Variants in GPR132 observed in about 807,000 individuals in gnomAD.
GPR132 encodes probable G protein-coupled receptor 132.
Under a neutral mutation model 1.9 loss-of-function variants are expected in GPR132, and 4 were observed. The observed-to-expected ratio is 2.13, with a 90% CI of 1.05 to 4.87. The LOEUF is 4.87. GPR132 is among the 30% of genes most tolerant of loss of function. The pLI is 0.01. For synonymous variants in GPR132, 233 were observed against 234.2 expected (o/e 0.99, Z 0.05); for missense variants, 404 against 512.5 (o/e 0.79, Z 2.04).
In GPR132 at chr14:105,056,822, G is replaced by A. The variant is rs553679419; in HGVS notation, c.-747+345C>T. On this transcript the variant is annotated intron_variant, in intron 2 of 3. Transcript: ENST00000329797. The surrounding 1 kb of genome is among the most constrained non-coding windows in gnomAD (Gnocchi z 6.0). Reference sequence around the variant, plus strand: ...AGTAGGGGCAACGGCACCAGGAGACGCATGGATGCGGGGGGCTGGTGGTCA... The same window carrying A: ...AGTAGGGGCAACGGCACCAGGAGACACATGGATGCGGGGGGCTGGTGGTCA... Among the ~76,000 whole-genome samples, 5 of 152,222 alleles carry A rather than the reference G, an allele frequency of 3.3e-5. No individual in the cohort carries two copies. Among genetic ancestry groups the A allele is most frequent in the South Asian group, 2.1e-4 (1 of 4,832 alleles).
Position 105,056,060 on chromosome 14 carries a change from TG to T in GPR132, c.-641del. The T allele has an allele frequency of 1.2e-6, 1 of 832,116 alleles. No homozygotes were observed. Among genetic ancestry groups the T allele is most frequent in the Non-Finnish European group, 1.5e-6 (1 of 689,552 alleles). The allele number at this position is 832,116 out of a possible 1,614,324, so 51.5% of individuals were successfully genotyped here. A position where few individuals can be genotyped will look rare whatever the true frequency, so the allele number is the denominator to read the frequency against. On this transcript the variant is annotated 5_prime_UTR_variant, in exon 3 of 4. An upstream open reading frame in the 5' UTR loses its in-frame stop. Coordinates refer to ENST00000329797, the MANE Select transcript of GPR132 (RefSeq NM_013345.4). The surrounding 1 kb of genome is among the most constrained non-coding windows in gnomAD (Gnocchi z 6.0). ...GCGCTGTTCTCCACGGTGGTGGCGC[TG>T]GCCCACCTTCCCCCGGCGGTGTGCA...
rs1886628839 is a variant in GPR132, at chr14:105,051,256, A to G, written c.881T>C (p.Leu294Pro). 6.2e-7 allele frequency: 1 copy of G among 1,613,606 alleles called. No homozygotes were observed. The highest frequency in any genetic ancestry group is 8.5e-7 in the Non-Finnish European group (1 of 1,179,494). The change falls in exon 4 of 4, where the codon CTG (leucine) becomes CCG (proline). Residue 294 changes from leucine to proline, a missense_variant. Leu to Pro is a moderately conservative substitution (Grantham distance 98). Coordinates refer to ENST00000329797, the MANE Select transcript of GPR132 (RefSeq NM_013345.4). This position sits in a 1 kb window ranked among gnomAD's most constrained non-coding sequence, Gnocchi z 8.0. The part of the protein sequence containing the change: ...ERLYTASVVF[L>P]CLSTVNGVAD... ...CACGCCGTTCACCGTGGACAGGCAC[A>G]GAAACACCACAGAGGCTGTGTACAG... is the stretch of plus-strand genomic sequence containing the variant.
rs369881061 is a variant in GPR132, at chr14:105,051,641, T to C, written c.496A>G (p.Ile166Val). The change falls in exon 4 of 4, where the codon ATC becomes GTC. Residue 166 changes from isoleucine to valine, a missense_variant. Coordinates refer to ENST00000329797, the MANE Select transcript of GPR132 (RefSeq NM_013345.4). This position sits in a 1 kb window ranked among gnomAD's most constrained non-coding sequence, Gnocchi z 8.0. The part of the protein sequence containing the change: ...RRTAILISAC[I>V]FILVGIVHYP... Reference sequence around the variant, plus strand: ...TGAACGATCCCGACGAGGATGAAGATGCAGGCGGAGATGAGGATGGCGGTC... The same window carrying C: ...TGAACGATCCCGACGAGGATGAAGACGCAGGCGGAGATGAGGATGGCGGTC... The C allele has an allele frequency of 1.1e-5, 18 of 1,613,882 alleles. No individual in the cohort carries two copies. The African/African-American group carries it at 2.0e-4, about 18-fold the overall frequency.
Position 105,056,404 on chromosome 14 carries a change from ACACGG to A in GPR132, c.-746-243_-746-239del, listed in dbSNP as rs1566735070. 6.6e-6 allele frequency among the ~76,000 whole-genome samples: 1 copy of A among 152,146 alleles called. No homozygotes were observed. Among genetic ancestry groups the A allele is most frequent in the African/African-American group, 2.4e-5 (1 of 41,432 alleles). On this transcript the variant is annotated intron_variant, in intron 2 of 3. Coordinates refer to ENST00000329797, the MANE Select transcript of GPR132 (RefSeq NM_013345.4). The surrounding 1 kb of genome is among the most constrained non-coding windows in gnomAD (Gnocchi z 6.0). Reference sequence around the variant, plus strand: ...GCTCAGAGGAAGTTTCGGGCCCCCTACACGGCCCCGTCTCTTTCATGACAATCACA... The same window carrying A: ...GCTCAGAGGAAGTTTCGGGCCCCCTACCCCGTCTCTTTCATGACAATCACA...
chr14:105,057,982 C>T (rs867771211), intron 1 of GPR132: 1 of 152,206 alleles, frequency 6.6e-6, no homozygotes, highest in Non-Finnish European at 1.5e-5. Context: ...AGCCACCGCA[C>T]CTGGCCTAGG....
intron 1 of GPR132, chr14:105,057,484 C>A: frequency 4.3e-5 from 12 of 280,020 alleles, no homozygotes; most frequent in Non-Finnish European, 5.3e-5. Context: ...CAAAACGTCA[C>A]ATTAGCCACT....
chr14:105,057,242 G>C lies in GPR132; in HGVS notation c.-822C>G, dbSNP rs903745978. The stretch of plus-strand genomic sequence containing the variant: ...CTAAGTACATGTCATGCGTCTTGTC[G>C]GTCCTATCAAGACGTTCACTCTGAG... On this transcript the variant is annotated 5_prime_UTR_variant, in exon 2 of 4. Transcript: ENST00000329797. The C allele has an allele frequency of 8.7e-7, 1 of 1,146,288 alleles. No homozygotes were observed. Among genetic ancestry groups the C allele is most frequent in the African/African-American group, 1.5e-5 (1 of 65,566 alleles). The allele number at this position is 1,146,288 out of a possible 1,614,324, so 71.0% of individuals were successfully genotyped here.
At chr14:105,057,741 T>G (rs977333719) in intron 1 of GPR132, among the ~76,000 whole-genome samples, 2 of 147,188 alleles carry the variant, frequency 1.4e-5, no homozygotes, top group African/African-American at 5.1e-5. Flanking sequence ...CAGGCTGGAG[T>G]GCAATGGCAT....
Position 105,050,977 on chromosome 14 carries a change from C to G in GPR132, c.*17G>C, listed in dbSNP as rs1203120949. On this transcript the variant is annotated 3_prime_UTR_variant, in exon 4 of 4. Coordinates refer to ENST00000329797, the MANE Select transcript of GPR132 (RefSeq NM_013345.4). This position sits in a 1 kb window ranked among gnomAD's most constrained non-coding sequence, Gnocchi z 4.0. Reference sequence around the variant, plus strand: ...CCCAGGACCCCCAACCTGCCATCCCCCTGCCACACAGTGGGCTCAGCAGGA... The same window carrying G: ...CCCAGGACCCCCAACCTGCCATCCCGCTGCCACACAGTGGGCTCAGCAGGA... 6.2e-7 allele frequency: 1 copy of G among 1,601,896 alleles called. No individual in the cohort carries two copies. Among genetic ancestry groups the G allele is most frequent in the East Asian group, 2.2e-5 (1 of 44,552 alleles).
chr14:105,051,262 A>T lies in GPR132; in HGVS notation c.875T>A (p.Val292Glu). The T allele has an allele frequency of 6.2e-7, 1 of 1,613,462 alleles. No individual in the cohort carries two copies. Among genetic ancestry groups the T allele is most frequent in the Non-Finnish European group, 8.5e-7 (1 of 1,179,446 alleles). The change falls in exon 4 of 4, where the codon GTG becomes GAG. Residue 292 changes from valine to glutamate, a missense_variant. By Grantham distance (121) the Val-to-Glu change is moderately radical. Transcript: ENST00000329797. The surrounding 1 kb of genome is among the most constrained non-coding windows in gnomAD (Gnocchi z 8.0). ...LEERLYTASVVFLCLSTVNGV... is the reference protein window; with the variant it reads ...LEERLYTASVEFLCLSTVNGV... ...GTTCACCGTGGACAGGCACAGAAACACCACAGAGGCTGTGTACAGCCTTTC... is the reference window on the plus strand; with the variant it reads ...GTTCACCGTGGACAGGCACAGAAACTCCACAGAGGCTGTGTACAGCCTTTC...
chr14:105,054,121 A>G (rs1340942721), intron 3 of GPR132: 1 of 1,287,222 alleles, frequency 7.8e-7, no homozygotes, highest in African/African-American at 1.5e-5. Context: ...ATGGAGTCCC[A>G]CCTCCAGGTC....
Position 105,056,397 on chromosome 14 carries a change from G to A in GPR132, c.-746-231C>T, listed in dbSNP as rs554818080. On this transcript the variant is annotated intron_variant, in intron 2 of 3. Coordinates refer to ENST00000329797, the MANE Select transcript of GPR132 (RefSeq NM_013345.4). The surrounding 1 kb of genome is among the most constrained non-coding windows in gnomAD (Gnocchi z 6.0). Reference sequence around the variant, plus strand: ...GTCCTGAGCTCAGAGGAAGTTTCGGGCCCCCTACACGGCCCCGTCTCTTTC... The same window carrying A: ...GTCCTGAGCTCAGAGGAAGTTTCGGACCCCCTACACGGCCCCGTCTCTTTC... Among the ~76,000 whole-genome samples the A allele has an allele frequency of 6.6e-6, 1 of 152,132 alleles. No individual in the cohort carries two copies. The highest frequency in any genetic ancestry group is 2.4e-5 in the African/African-American group (1 of 41,424).
Position 105,055,745 on chromosome 14 carries a change from G to A in GPR132, c.-325C>T. 1 of 398,336 alleles carries A rather than the reference G, an allele frequency of 2.5e-6. No homozygotes were observed. Among genetic ancestry groups the A allele is most frequent in the East Asian group, 3.8e-5 (1 of 26,270 alleles). 24.7% of individuals were successfully genotyped at this position (398,336 alleles called of 1,614,324 possible). ...TCCATTGTATTCAGTGTGTCCTCCA[G>A]GGTCTCGCCAAAAATATAAATATAT... On this transcript the variant is annotated 5_prime_UTR_variant, in exon 3 of 4. Coordinates refer to ENST00000329797, the MANE Select transcript of GPR132 (RefSeq NM_013345.4). This position sits in a 1 kb window ranked among gnomAD's most constrained non-coding sequence, Gnocchi z 4.7.
Position 105,051,159 on chromosome 14 carries a change from C to G in GPR132, c.978G>C (p.Trp326Cys). 1 of 1,614,198 alleles carries G rather than the reference C, an allele frequency of 6.2e-7. No homozygotes were observed. Among genetic ancestry groups the G allele is most frequent in the Non-Finnish European group, 8.5e-7 (1 of 1,180,032 alleles). ...CGTCTGTCTTCATGGACCACTCTTT[C>G]CACCCCTTATGGATTCTGGACACTT... ...RQEVSRIHKG[W>C]KEWSMKTDVT... Residue 326 changes from tryptophan (W) to cysteine (C), a missense_variant, in exon 4 of 4, where the codon TGG becomes TGC. By Grantham distance (215) the Trp-to-Cys change is radical. Coordinates refer to ENST00000329797, the MANE Select transcript of GPR132 (RefSeq NM_013345.4). This position sits in a 1 kb window ranked among gnomAD's most constrained non-coding sequence, Gnocchi z 8.0.
At chr14:105,053,107 A>G (rs1462881664) in intron 3 of GPR132, among the ~76,000 whole-genome samples, 2 of 148,192 alleles carry the variant, frequency 1.3e-5, no homozygotes, top group African/African-American at 5.0e-5. Flanking sequence ...ACCTGGCCCC[A>G]TAGCTGGGCA....
chr14:105,051,404 T>C lies in GPR132; in HGVS notation c.733A>G (p.Ile245Val). The C allele has an allele frequency of 6.2e-7, 1 of 1,614,140 alleles. No individual in the cohort carries two copies. The highest frequency in any genetic ancestry group is 8.5e-7 in the Non-Finnish European group (1 of 1,180,020). ...ACTAGGAAGATGACAACCACCGCGA[T>C]GGCCGAGTGCTTCACCTTGGCCTTC... Reference protein sequence around the residue: ...AQKAKVKHSAIAVVVIFLVCF... With the variant: ...AQKAKVKHSAVAVVVIFLVCF... The change falls in exon 4 of 4, where the codon ATC becomes GTC. Residue 245 changes from isoleucine (I) to valine (V), a missense_variant. Physicochemically the swap from Ile to Val is conservative, Grantham distance 29 (BLOSUM62 3). Transcript: ENST00000329797. This position sits in a 1 kb window ranked among gnomAD's most constrained non-coding sequence, Gnocchi z 8.0.
At chr14:105,052,203 C>A (rs996885977) in intron 3 of GPR132, 101 bp from the exon 4 acceptor site, 2 of 933,872 alleles carry the variant, frequency 2.1e-6, no homozygotes, top group Non-Finnish European at 3.2e-6. Flanking sequence ...GTAGCTCAGA[C>A]TAGACACACG....
rs1886716411 is a variant in GPR132 at position 105,053,911 on chromosome 14, C to A, written c.34+1476G>T. On this transcript the variant is annotated intron_variant, in intron 3 of 3. Coordinates refer to ENST00000329797, the MANE Select transcript of GPR132 (RefSeq NM_013345.4). ...GGGAGAGGGCAAAAGAAAAGGAGAT[C>A]AAAGTGATCTCAGCAACCTGCCTCA... 2.7e-5 allele frequency: 31 copies of A among 1,129,654 alleles called. No individual in the cohort carries two copies. In the South Asian group the frequency reaches 4.7e-4, roughly 17 times the overall value. 70.0% of individuals were successfully genotyped at this position (1,129,654 alleles called of 1,614,324 possible).
At chr14:105,063,126 A>T (rs1373179784) in intron 1 of GPR132, among the ~76,000 whole-genome samples, 1 of 151,492 alleles carries the variant, frequency 6.6e-6, no homozygotes, top group Non-Finnish European at 1.5e-5. Context: ...TCCCTATGTT[A>T]CCCAGGCTGG....
Sources: allele counts gnomAD v4.1 joint callset (sites outside exome capture counted in the v4.1 genomes callset), GRCh38; gene constraint gnomAD v4.1.1; non-coding constraint Gnocchi (gnomAD v3.1); transcripts MANE v1.5; gene names NCBI Gene and HGNC (gene_info 2026-07-23, HGNC 2026-07-21).